ABTB2: variants seen among roughly 807,000 people sequenced by gnomAD.
The protein encoded by ABTB2 is ankyrin repeat and BTB domain containing 2.
ABTB2 carries 56 observed loss-of-function variants against 104.1 expected under a neutral mutation model. The observed-to-expected ratio is 0.54, with a 90% CI of 0.43 to 0.67. The LOEUF (loss-of-function observed/expected upper bound fraction) is 0.67. Ranked by LOEUF, ABTB2 falls within the 30% of genes least tolerant of loss-of-function variation. The pLI is 0.00. For missense variants in ABTB2, 1,279 were observed against 1,407.7 expected (o/e 0.91, Z 1.46); for synonymous variants, 606 against 608.2 (o/e 1.00, Z 0.05).
At chr11:34,237,913 A>G (rs1853865954) in intron 1 of ABTB2, among the ~76,000 whole-genome samples, 1 of 152,088 alleles carries the variant, frequency 6.6e-6, no homozygotes, top group East Asian at 1.9e-4. Flanking sequence ...CAAACAAAAA[A>G]CGCTATGCCA....
intron 1 of ABTB2, among the ~76,000 whole-genome samples, chr11:34,315,799 C>T (rs1854921396): frequency 6.6e-6 from 1 of 152,202 alleles, no homozygotes; most frequent in Admixed American, 6.5e-5. Context: ...CCCAGGTTTC[C>T]AGCTGCCTTT....
intron 1 of ABTB2, among the ~76,000 whole-genome samples, chr11:34,250,810 T>C (rs972267064): frequency 6.6e-6 from 1 of 152,190 alleles, no homozygotes; most frequent in East Asian, 1.9e-4. Context: ...TCCTACCAGG[T>C]GTGTAAGGCA....
At chr11:34,230,874 T>C (rs1015770874) in intron 1 of ABTB2, among the ~76,000 whole-genome samples, 4 of 152,184 alleles carry the variant, frequency 2.6e-5, no homozygotes, top group African/African-American at 4.8e-5. Context: ...CTGGTTTCTC[T>C]TTTTCTTTTT....
intron 1 of ABTB2, among the ~76,000 whole-genome samples, chr11:34,301,358 G>C (rs1854703783): frequency 6.6e-6 from 1 of 152,180 alleles, no homozygotes; most frequent in Non-Finnish European, 1.5e-5. Context: ...ATAAGGCCCT[G>C]TGTACTTGAA....
At position 34,152,395 on chromosome 11, in the gene ABTB2, G is replaced by C; in HGVS notation, c.3070C>G (p.Arg1024Gly). 6.4e-7 allele frequency: 1 copy of C among 1,566,798 alleles called. No homozygotes were observed. Among genetic ancestry groups the C allele is most frequent in the East Asian group, 2.3e-5 (1 of 42,674 alleles). ...ERVHSVYITS[R>G]V Reference sequence around the variant, plus strand: ...AGCCTCCGCCCCCTGCCTCACACCCGGGAGGTGATGTAGACAGAGTGCACG... The same window carrying C: ...AGCCTCCGCCCCCTGCCTCACACCCCGGAGGTGATGTAGACAGAGTGCACG... Residue 1024 changes from arginine (R) to glycine (G), a missense_variant, in exon 17 of 17, where the codon CGG becomes GGG. Transcript: ENST00000435224.
intron 3 of ABTB2, among the ~76,000 whole-genome samples, chr11:34,189,461 C>T (rs1369878711): frequency 6.6e-6 from 1 of 152,060 alleles, no homozygotes; most frequent in Non-Finnish European, 1.5e-5. Flanking sequence ...ATTAGCCAGG[C>T]ATGGCAGAGT....
At chr11:34,290,066 C>T (rs1049747058) in intron 1 of ABTB2, among the ~76,000 whole-genome samples, 5 of 152,160 alleles carry the variant, frequency 3.3e-5, no homozygotes, top group African/African-American at 1.2e-4. Context: ...TCCCTGAAGA[C>T]ATTTGAAAGG....
intron 12 of ABTB2, 90 bp downstream of exon 12, chr11:34,160,158 A>G (rs1319087681): frequency 1.5e-6 from 2 of 1,358,280 alleles, no homozygotes; most frequent in Non-Finnish European, 2.1e-6. Flanking sequence ...GCGCTTGGAA[A>G]TGGAGAAAGA....
At chr11:34,183,489 A>G (rs1853054148) in intron 3 of ABTB2, among the ~76,000 whole-genome samples, 1 of 152,192 alleles carries the variant, frequency 6.6e-6, no homozygotes, top group East Asian at 1.9e-4. Flanking sequence ...ACCAGAACAT[A>G]TGGTCACCGT....
intron 1 of ABTB2, among the ~76,000 whole-genome samples, chr11:34,244,879 G>A (rs1303473116): frequency 6.6e-6 from 1 of 152,096 alleles, no homozygotes; most frequent in Non-Finnish European, 1.5e-5. Context: ...TTGGTAGTGT[G>A]TGCCTGTGGT....
At chr11:34,225,483 C>G (rs960367999) in intron 1 of ABTB2, among the ~76,000 whole-genome samples, 2 of 152,180 alleles carry the variant, frequency 1.3e-5, no homozygotes, top group Non-Finnish European at 2.9e-5. Flanking sequence ...TAGCCAGGCG[C>G]GGTGGCTCAT....
chr11:34,331,972 G>A (rs1268279283), intron 1 of ABTB2, among the ~76,000 whole-genome samples: 2 of 152,142 alleles, frequency 1.3e-5, no homozygotes, highest in Non-Finnish European at 2.9e-5. Flanking sequence ...AAGCCTGAGG[G>A]CTAACTTCTA....
intron 1 of ABTB2, among the ~76,000 whole-genome samples, chr11:34,261,636 C>T (rs1664063209): frequency 6.6e-6 from 1 of 152,008 alleles, no homozygotes; most frequent in Non-Finnish European, 1.5e-5. Context: ...AGGGAAGAGG[C>T]CTTAAGAAAA....
intron 1 of ABTB2, among the ~76,000 whole-genome samples, chr11:34,326,447 A>AC (rs1024366580): frequency 6.6e-6 from 1 of 152,096 alleles, no homozygotes; most frequent in African/African-American, 2.4e-5. Flanking sequence ...ACGTGGTGAG[A>AC]CCCCCATCTC....
chr11:34,174,315 A>C (rs1374250767), intron 3 of ABTB2, among the ~76,000 whole-genome samples: 1 of 135,750 alleles, frequency 7.4e-6, no homozygotes, highest in African/African-American at 3.0e-5. Flanking sequence ...ACAGGGCGAG[A>C]CTCCGTCTCA....
At chr11:34,226,848 T>C (rs1221270755) in intron 1 of ABTB2, among the ~76,000 whole-genome samples, 1 of 152,030 alleles carries the variant, frequency 6.6e-6, no homozygotes, top group Non-Finnish European at 1.5e-5. Context: ...GGTGGATCAC[T>C]TCAGGTCAGG....
intron 1 of ABTB2, among the ~76,000 whole-genome samples, chr11:34,229,121 G>GAAAAAAAA (rs370579783): frequency 7.7e-5 from 8 of 103,766 alleles, no homozygotes; most frequent in Non-Finnish European, 1.1e-4. Context: ...CTCCGTCTTG[G>GAAAAAAAA]AAAAAAAAAA....
In ABTB2 at chr11:34,165,312, G is replaced by A. The variant is rs375427499; in HGVS notation, c.1800C>T (p.Asn600=). ...AGAHVEGSAV[N]GGEDSYAETP... is the part of the protein sequence containing the mutation. The stretch of plus-strand genomic sequence containing the variant: ...TCTCCGCATAGCTGTCCTCGCCGCC[G>A]TTCACTGCCGAGCCCTCGACATGGG... The change falls in exon 8 of 17, where the codon AAC becomes AAT. Residue 600 remains asparagine (N), a synonymous_variant. Coordinates refer to ENST00000435224, the MANE Select transcript of ABTB2 (RefSeq NM_145804.3). 2.7e-5 allele frequency: 42 copies of A among 1,581,482 alleles called. No individual in the cohort carries two copies. In the African/African-American group the frequency reaches 3.9e-4, roughly 15 times the overall value.
intron 1 of ABTB2, among the ~76,000 whole-genome samples, chr11:34,213,429 G>A (rs1853508335): frequency 6.6e-6 from 1 of 152,152 alleles, no homozygotes; most frequent in Admixed American, 6.5e-5. Flanking sequence ...GCAGTGAGCC[G>A]AGATCGCTGC....
Sources: allele counts gnomAD v4.1 joint callset (sites outside exome capture counted in the v4.1 genomes callset), GRCh38; gene constraint gnomAD v4.1.1; transcripts MANE v1.5; gene names NCBI Gene and HGNC (gene_info 2026-07-23, HGNC 2026-07-21).